The following NCOA6 variants were observed in gnomAD, a reference collection of about 807,000 sequenced individuals.
NCOA6 encodes the protein NRC RAP250.
NCOA6 carries 49 observed loss-of-function variants against 171.4 expected under a neutral mutation model. The observed-to-expected ratio is 0.29, with a 90% CI of 0.23 to 0.36. The LOEUF (loss-of-function observed/expected upper bound fraction) is 0.36. Ranked by LOEUF, NCOA6 falls within the 10% of genes least tolerant of loss-of-function variation. The pLI is 1.00. For missense variants in NCOA6, 2,248 were observed against 2,554.5 expected (o/e 0.88, Z 2.59); for synonymous variants, 910 against 927.5 (o/e 0.98, Z 0.34).
Position 34,768,451 on chromosome 20 carries a change from T to C in NCOA6, c.514+13A>G, listed in dbSNP as rs1209661282. ...ACTAGTAAAATGTCATACAATTGAG[T>C]GGGAGGTCTTACCTGGACCACTTGC... On this transcript the variant is annotated intron_variant, in intron 5 of 14. Coordinates refer to ENST00000359003, the MANE Select transcript of NCOA6 (RefSeq NM_014071.5). 5.0e-6 allele frequency: 8 copies of C among 1,613,072 alleles called. No homozygotes were observed. The South Asian group carries it at 7.7e-5, about 16-fold the overall frequency.
chr20:34,772,433 A>G (rs943287282), intron 4 of NCOA6, among the ~76,000 whole-genome samples: 1 of 152,230 alleles, frequency 6.6e-6, no homozygotes, highest in East Asian at 1.9e-4. Flanking sequence ...TTTATTAAAT[A>G]TAATGGTCAT....
intron 14 of NCOA6, among the ~76,000 whole-genome samples, chr20:34,721,821 G>A (rs1015093820): frequency 6.7e-6 from 1 of 149,912 alleles, no homozygotes; most frequent in Non-Finnish European, 1.5e-5. Flanking sequence ...TTTGGGAGGC[G>A]AAGGTGGGAG....
At chr20:34,814,204 T>C (rs1236616952) in intron 1 of NCOA6, among the ~76,000 whole-genome samples, 1 of 152,012 alleles carries the variant, frequency 6.6e-6, no homozygotes, top group Non-Finnish European at 1.5e-5. Flanking sequence ...CCAGGCATGG[T>C]GGCGCATGCC....
rs756159991 is a variant in NCOA6, at chr20:34,742,995, G to A, written c.3261C>T (p.Ser1087=). 2.4e-5 allele frequency: 38 copies of A among 1,613,460 alleles called. No individual in the cohort carries two copies. Among genetic ancestry groups the A allele is most frequent in the South Asian group, 4.4e-5 (4 of 91,030 alleles). The change falls in exon 11 of 15, where the codon TCC becomes TCT. Residue 1087 remains serine (S), a synonymous_variant. Coordinates refer to ENST00000359003, the MANE Select transcript of NCOA6 (RefSeq NM_014071.5). ...PVMVSLQGPA[S]VPPSPDKQRM... is the part of the protein sequence containing the mutation. ...TTTGTTTATCAGGTGATGGTGGCAC[G>A]GAGGCAGGTCCTTGCAGACTGACCA... is the stretch of plus-strand genomic sequence containing the variant.
At chr20:34,791,393 A>G (rs1379569212) in intron 2 of NCOA6, among the ~76,000 whole-genome samples, 2 of 152,224 alleles carry the variant, frequency 1.3e-5, no homozygotes, top group African/African-American at 2.4e-5. Flanking sequence ...TCAGTCAGAT[A>G]AAGATTTACA....
chr20:34,802,204 C>T (rs996028505), intron 1 of NCOA6, among the ~76,000 whole-genome samples: 1 of 152,214 alleles, frequency 6.6e-6, no homozygotes, highest in Non-Finnish European at 1.5e-5. Flanking sequence ...CGGTGGCTCA[C>T]GCCTATAATC....
Position 34,754,771 on chromosome 20 carries a change from C to T in NCOA6, c.1626G>A (p.Gly542=). The T allele has an allele frequency of 6.2e-7, 1 of 1,614,186 alleles. No individual in the cohort carries two copies. The highest frequency in any genetic ancestry group is 8.5e-7 in the Non-Finnish European group (1 of 1,180,032). Reference sequence around the variant, plus strand: ...CTTGCAGCTGAGGGGCTCCTGAATTCCCAGGGGTGGTTGCTGTGGTCGAAG... The same window carrying T: ...CTTGCAGCTGAGGGGCTCCTGAATTTCCAGGGGTGGTTGCTGTGGTCGAAG... ...QVPSTTATTP[G]NSGAPQLQAN... The change falls in exon 8 of 15, where the codon GGG becomes GGA. Residue 542 remains glycine, a synonymous_variant. Coordinates refer to ENST00000359003, the MANE Select transcript of NCOA6 (RefSeq NM_014071.5).
At chr20:34,777,039 C>G (rs1049912692) in intron 3 of NCOA6, among the ~76,000 whole-genome samples, 1 of 150,294 alleles carries the variant, frequency 6.7e-6, no homozygotes, top group African/African-American at 2.5e-5. Flanking sequence ...ATTGCTTGAA[C>G]CCGGGAGGCA....
intron 1 of NCOA6, chr20:34,821,063 C>T (rs2078994015): frequency 6.6e-6 from 1 of 152,142 alleles, no homozygotes; most frequent in Non-Finnish European, 1.5e-5. Context: ...GGTAATCCAG[C>T]CCAAAGGGCA....
intron 1 of NCOA6, among the ~76,000 whole-genome samples, chr20:34,799,610 A>G (rs2078189521): frequency 6.6e-6 from 1 of 152,156 alleles, no homozygotes; most frequent in South Asian, 2.1e-4. Context: ...ACAAATAACA[A>G]TTTTAAAAAA....
At chr20:34,804,274 T>C (rs1483091592) in intron 1 of NCOA6, among the ~76,000 whole-genome samples, 2 of 149,010 alleles carry the variant, frequency 1.3e-5, no homozygotes, top group African/African-American at 2.5e-5. Context: ...GAGGTGGAGG[T>C]TGCAGTAAGC....
chr20:34,757,718 A>G lies in NCOA6; in HGVS notation c.1030T>C (p.Trp344Arg). 2 of 1,613,532 alleles carry G rather than the reference A, an allele frequency of 1.2e-6. No individual in the cohort carries two copies. The highest frequency in any genetic ancestry group is 1.7e-6 in the Non-Finnish European group (2 of 1,179,912). Residue 344 changes from tryptophan (W) to arginine (R), a missense_variant, in exon 7 of 15, where the codon TGG becomes CGG. Transcript: ENST00000359003. ...SLGTMTANQG[W>R]KKAPLPGPMQ... is the part of the protein sequence containing the mutation. ...GGGCCGGGCAAGGGAGCCTTCTTCCACCCTTGGTTTGCAGTCATTGTGCCC... is the reference window on the plus strand; with the variant it reads ...GGGCCGGGCAAGGGAGCCTTCTTCCGCCCTTGGTTTGCAGTCATTGTGCCC...
At chr20:34,718,130 A>T (rs1480986734) in intron 14 of NCOA6, among the ~76,000 whole-genome samples, 1 of 152,210 alleles carries the variant, frequency 6.6e-6, no homozygotes, top group Non-Finnish European at 1.5e-5. Flanking sequence ...ACACACCATT[A>T]AAAACCCTCA....
intron 1 of NCOA6, among the ~76,000 whole-genome samples, chr20:34,824,620 C>T (rs1261455224): frequency 6.6e-6 from 1 of 152,202 alleles, no homozygotes; most frequent in Admixed American, 6.5e-5. Context: ...AAGGTTCTCT[C>T]CTTCCTTGCC....
intron 2 of NCOA6, among the ~76,000 whole-genome samples, chr20:34,787,196 C>T (rs1168959212): frequency 6.6e-6 from 1 of 151,636 alleles, no homozygotes; most frequent in Non-Finnish European, 1.5e-5. Flanking sequence ...GTCCTCCAAT[C>T]TGTCTCCAGA....
At chr20:34,751,889 T>G (rs2076499457) in intron 8 of NCOA6, among the ~76,000 whole-genome samples, 1 of 152,168 alleles carries the variant, frequency 6.6e-6, no homozygotes, top group Non-Finnish European at 1.5e-5. Flanking sequence ...TTTTTGTTGT[T>G]TTGTTTTTGA....
chr20:34,777,064 C>T (rs1327101658), intron 3 of NCOA6, among the ~76,000 whole-genome samples: 1 of 146,398 alleles, frequency 6.8e-6, no homozygotes, highest in Non-Finnish European at 1.5e-5. Context: ...TTGTGGTGAG[C>T]CAAGACTGCG....
At chr20:34,721,144 A>G (rs935843963) in intron 14 of NCOA6, among the ~76,000 whole-genome samples, 2 of 151,478 alleles carry the variant, frequency 1.3e-5, no homozygotes, top group Non-Finnish European at 2.9e-5. Flanking sequence ...AGTTGATCAC[A>G]AATGGCCAAC....
intron 12 of NCOA6, 144 bp downstream of exon 12, chr20:34,736,546 C>A: frequency 1.7e-6 from 1 of 603,356 alleles, no homozygotes; most frequent in Non-Finnish European, 2.7e-6. Context: ...AGCTTTGTCA[C>A]TCAACCAAAG....
Sources: allele counts gnomAD v4.1 joint callset (sites outside exome capture counted in the v4.1 genomes callset), GRCh38; gene constraint gnomAD v4.1.1; transcripts MANE v1.5; gene names NCBI Gene and HGNC (gene_info 2026-07-23, HGNC 2026-07-21).